WDR90: variants seen among roughly 807,000 people sequenced by gnomAD.
The protein encoded by WDR90 is WD repeat domain 90, also known as WD repeat-containing protein 90.
Under a neutral mutation model 195.2 loss-of-function variants are expected in WDR90, and 238 were observed. The observed-to-expected ratio is 1.22, with a 90% confidence interval of 1.10 to 1.36. The LOEUF (loss-of-function observed/expected upper bound fraction) is 1.36, where lower values mean the gene tolerates loss of function less well. WDR90 is among the 40% of genes most tolerant of loss of function. WDR90 has a pLI of 0.00. For missense variants in WDR90, 2,734 were observed against 2,439.5 expected, an observed-to-expected ratio of 1.12 and a Z score of -2.54; for synonymous variants, 1,265 against 1,052.4, an observed-to-expected ratio of 1.20 and a Z score of -3.91.
Position 653,560 on chromosome 16 carries a change from A to C in WDR90, c.1269A>C (p.Leu423=). 1 of 1,613,370 alleles carries C rather than the reference A, an allele frequency of 6.2e-7. No homozygotes were observed. The highest frequency in any genetic ancestry group is 8.5e-7 in the Non-Finnish European group (1 of 1,179,920). ...SALALDGSSS[L]LASAQARAPS... ...TGGCGCTGGATGGCAGCAGCTCACT[A>C]TTGGCCTCGGCCCAGGCAAGGGCCC... The change falls in exon 12 of 41, where the codon CTA becomes CTC. Residue 423 remains leucine (L), a synonymous_variant. Coordinates refer to ENST00000293879, the MANE Select transcript of WDR90 (RefSeq NM_145294.5).
Position 662,968 on chromosome 16 carries a change from C to T in WDR90, c.4311+124C>T, listed in dbSNP as rs769668605. 4.9e-6 allele frequency: 7 copies of T among 1,418,146 alleles called. 1 individual carries two copies. Among genetic ancestry groups the T allele is most frequent in the Admixed American group, 3.9e-5 (2 of 50,838 alleles). 87.8% of individuals were successfully genotyped at this position (1,418,146 alleles called of 1,614,324 possible). On this transcript the variant is annotated intron_variant, in intron 34 of 40. Coordinates refer to ENST00000293879, the MANE Select transcript of WDR90 (RefSeq NM_145294.5). ...TGCCGTCACTGGCTCGCAGCGGCCG[C>T]CTTGGGGTTCCCAGCGGGGAAGTCT...
In WDR90 at chr16:661,070, C is replaced by G. The variant is rs755274328; in HGVS notation, c.3411C>G (p.Cys1137Trp). The G allele has an allele frequency of 6.7e-7, 1 of 1,503,704 alleles. No individual in the cohort carries two copies. Among genetic ancestry groups the G allele is most frequent in the Admixed American group, 2.0e-5 (1 of 49,806 alleles). The allele number at this position is 1,503,704 out of a possible 1,614,324, so 93.1% of individuals were successfully genotyped here. ...RPDTGFFAYT[C>W]GRLVVVEDLH... ...GCACAGGCTTCTTTGCCTACACGTG[C>G]GGCCGCCTGGTGGTGGTGGAGGACC... Residue 1137 changes from cysteine (C) to tryptophan (W), a missense_variant, in exon 29 of 41, where the codon TGC becomes TGG. Cys to Trp is a radical substitution (Grantham distance 215). Transcript: ENST00000293879.
intron 33 of WDR90, 41 bp from the exon 34 acceptor site, chr16:662,638 G>A: frequency 6.6e-7 from 1 of 1,517,364 alleles, no homozygotes; most frequent in Non-Finnish European, 8.8e-7. Flanking sequence ...CATCGGCCTT[G>A]AGACCCATTG....
chr16:659,006 T>C lies in WDR90; in HGVS notation c.3006T>C (p.Thr1002=), dbSNP rs2037828610. The change falls in exon 24 of 41, where the codon ACT becomes ACC. Residue 1002 remains threonine (T), a synonymous_variant. Coordinates refer to ENST00000293879, the MANE Select transcript of WDR90 (RefSeq NM_145294.5). ...TCCTCTGGGATGTCCTGGCCCCTAC[T>C]GAGAGGCAAGTGCCTACTCTCAGCT... is the stretch of plus-strand genomic sequence containing the variant. The part of the protein sequence containing the change: ...AVFLWDVLAP[T]ESDQSFPGAP... 1 of 1,613,170 alleles carries C rather than the reference T, an allele frequency of 6.2e-7. No homozygotes were observed. Among genetic ancestry groups the C allele is most frequent in the East Asian group, 2.2e-5 (1 of 44,874 alleles).
rs370813791 is a variant in WDR90, at chr16:651,269, G to A, written c.736+3G>A. 109 of 1,612,842 alleles carry A rather than the reference G, an allele frequency of 6.8e-5. No homozygotes were observed. The highest frequency in any genetic ancestry group is 8.8e-5 in the Non-Finnish European group (104 of 1,179,952). ...GAGCTGTTCCCCTCCTGAGGCAGGTGGGTCTGGGGGGTCAGCGGGGACCCA... is the reference window on the plus strand; with the variant it reads ...GAGCTGTTCCCCTCCTGAGGCAGGTAGGTCTGGGGGGTCAGCGGGGACCCA... On this transcript the variant is annotated splice_donor_region_variant and intron_variant, in intron 7 of 40. Transcript: ENST00000293879.
intron 34 of WDR90, chr16:665,228 C>T (rs1312199774): frequency 9.0e-6 from 3 of 331,504 alleles, no homozygotes; most frequent in Non-Finnish European, 1.7e-5. Flanking sequence ...CAGTCTGCAG[C>T]CTGCTAGGGA....
intron 14 of WDR90, 25 bp downstream of exon 14, chr16:655,172 G>A (rs752747169): frequency 3.1e-6 from 5 of 1,612,298 alleles, no homozygotes; most frequent in East Asian, 4.5e-5. Context: ...CATCCACGAT[G>A]TTGGGAGAGG....
rs1483817822 is a variant in WDR90, at chr16:651,002, T to G, written c.567T>G (p.Ser189=). ...CAACCCTGCTCCTTGTAGCCATCTCTGGGGCCCAGTGGGCAAAGCTGCCCG... is the reference window on the plus strand; with the variant it reads ...CAACCCTGCTCCTTGTAGCCATCTCGGGGGCCCAGTGGGCAAAGCTGCCCG... ...TSDLCFEPAI[S]GAQWAKLPVT... The change falls in exon 6 of 41, where the codon TCT becomes TCG. Residue 189 remains serine, a synonymous_variant. Coordinates refer to ENST00000293879, the MANE Select transcript of WDR90 (RefSeq NM_145294.5). 3 of 1,613,134 alleles carry G rather than the reference T, an allele frequency of 1.9e-6. No individual in the cohort carries two copies. In the East Asian group the frequency reaches 6.7e-5, roughly 36 times the overall value.
intron 34 of WDR90, among the ~76,000 whole-genome samples, chr16:663,924 C>T (rs374773508): frequency 1.3e-5 from 2 of 152,170 alleles, no homozygotes; most frequent in African/African-American, 4.8e-5. Context: ...AAGAGCTCTG[C>T]GTGTGGTCAG....
chr16:653,028 C>T (rs2151183744), intron 10 of WDR90, among the ~76,000 whole-genome samples: 1 of 152,340 alleles, frequency 6.6e-6, no homozygotes, highest in Non-Finnish European at 1.5e-5. Flanking sequence ...GCCCTTTGGC[C>T]TTTTGTTACC....
chr16:667,041 G>C (rs2038097641), intron 40 of WDR90, 52 bp downstream of exon 40: 1 of 1,530,030 alleles, frequency 6.5e-7, no homozygotes, highest in African/African-American at 1.4e-5. Context: ...GGCCAAGTGG[G>C]CTGACTGGTG....
At chr16:651,422 C>T (rs547242131) in intron 7 of WDR90, among the ~76,000 whole-genome samples, 156 bp downstream of exon 7, 1 of 152,228 alleles carries the variant, frequency 6.6e-6, no homozygotes, top group East Asian at 1.9e-4. Context: ...GTTCCCAGAA[C>T]CACGAGGGTG....
Position 655,669 on chromosome 16 carries a change from C to T in WDR90, c.1815C>T (p.Gly605=), listed in dbSNP as rs766672196. 5.0e-6 allele frequency: 8 copies of T among 1,601,032 alleles called. No homozygotes were observed. The highest frequency in any genetic ancestry group is 3.4e-5 in the Admixed American group (2 of 58,334). ...GCCTGCTCCCCACACGGACTCCAGG[C>T]GGTCCCCACCCACAGAAGCAGACCT... is the stretch of plus-strand genomic sequence containing the variant. ...ARRLLPTRTP[G]GPHPQKQTFS... is the part of the protein sequence containing the mutation. The change falls in exon 16 of 41, where the codon GGC becomes GGT. Residue 605 remains glycine (G), a synonymous_variant. Transcript: ENST00000293879.
At chr16:664,365 C>T (rs2037981563) in intron 34 of WDR90, among the ~76,000 whole-genome samples, 1 of 152,200 alleles carries the variant, frequency 6.6e-6, no homozygotes, top group East Asian at 1.9e-4. Flanking sequence ...TCATCCCAGC[C>T]GCTGTGTGTG....
At chr16:656,089 C>T (rs541706259) in intron 17 of WDR90, 200 bp downstream of exon 17, 16 of 771,614 alleles carry the variant, frequency 2.1e-5, no homozygotes, top group African/African-American at 1.1e-4. Flanking sequence ...CGGAAGGGCC[C>T]GGTGGGACGT....
intron 33 of WDR90, 114 bp downstream of exon 33, chr16:662,445 C>G (rs1442818441): frequency 7.4e-7 from 1 of 1,349,284 alleles, no homozygotes; most frequent in African/African-American, 1.4e-5. Flanking sequence ...CGGCCGCCTG[C>G]TAGCCCCTCC....
In WDR90 at chr16:650,408, G is replaced by A. The variant is rs377725336; in HGVS notation, c.388+46G>A. On this transcript the variant is annotated intron_variant, in intron 4 of 40. Coordinates refer to ENST00000293879, the MANE Select transcript of WDR90 (RefSeq NM_145294.5). ...GGATGATCCAGGACAGGTGGCTGGAGGGAGTTGGTGCAGGCCCAGTGAGGC... is the reference window on the plus strand; with the variant it reads ...GGATGATCCAGGACAGGTGGCTGGAAGGAGTTGGTGCAGGCCCAGTGAGGC... 12 of 1,596,320 alleles carry A rather than the reference G, an allele frequency of 7.5e-6. No homozygotes were observed. The African/African-American group carries it at 1.2e-4, about 16-fold the overall frequency.
Position 667,599 on chromosome 16 carries a change from G to C in WDR90, c.*10G>C. The C allele has an allele frequency of 2.5e-6, 4 of 1,605,212 alleles. No homozygotes were observed. The highest frequency in any genetic ancestry group is 3.4e-6 in the Non-Finnish European group (4 of 1,179,898). ...GGTCCCCGGCCTCTGAGATGCAGCA[G>C]GGACTGTGGTGGTGGGCATCACGCC... On this transcript the variant is annotated 3_prime_UTR_variant, in exon 41 of 41. Transcript: ENST00000293879.
Position 661,766 on chromosome 16 carries a change from T to G in WDR90, c.3843T>G (p.Arg1281=). The part of the protein sequence containing the change: ...GTVTFWLLQQ[R]GADISLQVRR... ...TCACCTTCTGGCTCCTTCAGCAGCG[T>G]GGGGCAGACATCAGCCTTCAGGTGC... Residue 1281 remains arginine, a synonymous_variant, in exon 31 of 41, where the codon CGT becomes CGG. Coordinates refer to ENST00000293879, the MANE Select transcript of WDR90 (RefSeq NM_145294.5). 1 of 1,606,080 alleles carries G rather than the reference T, an allele frequency of 6.2e-7. No individual in the cohort carries two copies. Among genetic ancestry groups the G allele is most frequent in the Non-Finnish European group, 8.5e-7 (1 of 1,176,316 alleles).
Sources: allele counts gnomAD v4.1 joint callset (sites outside exome capture counted in the v4.1 genomes callset), GRCh38; gene constraint gnomAD v4.1.1; transcripts MANE v1.5; gene names NCBI Gene and HGNC (gene_info 2026-07-23, HGNC 2026-07-21).